ULK2: variants seen among roughly 807,000 people sequenced by gnomAD.
ULK2 encodes serine/threonine-protein kinase ULK2.
In ULK2, 76 loss-of-function variants were observed where a neutral mutation model predicts 127.5. That is an observed-to-expected ratio of 0.60 (90% CI 0.50 to 0.72). The LOEUF (loss-of-function observed/expected upper bound fraction) is 0.72, where lower values mean the gene tolerates loss of function less well. Ranked by LOEUF, ULK2 falls within the 30% of genes least tolerant of loss-of-function variation. ULK2 has a pLI of 0.00. For synonymous variants in ULK2, 452 were observed against 461.9 expected (o/e 0.98, Z 0.28); for missense variants, 1,144 against 1,295.9 (o/e 0.88, Z 1.80).
intron 7 of ULK2, among the ~76,000 whole-genome samples, chr17:19,843,645 T>A (rs1233131422): frequency 6.7e-6 from 1 of 149,290 alleles, no homozygotes; most frequent in African/African-American, 2.5e-5. Flanking sequence ...TTGGGCTGTC[T>A]CCAAAATATT....
chr17:19,829,793 C>T (rs1240033756), intron 10 of ULK2, among the ~76,000 whole-genome samples: 2 of 145,092 alleles, frequency 1.4e-5, no homozygotes, highest in East Asian at 2.0e-4. Flanking sequence ...AAACCGAGAT[C>T]GCGCCACTGC....
chr17:19,813,127 G>A (rs1211702083), intron 13 of ULK2, among the ~76,000 whole-genome samples: 1 of 152,110 alleles, frequency 6.6e-6, no homozygotes, highest in Admixed American at 6.5e-5. Flanking sequence ...ATACTCTTCA[G>A]GCAAAAGATT....
chr17:19,802,102 T>C (rs1819714389), intron 15 of ULK2, among the ~76,000 whole-genome samples, 180 bp from the exon 16 acceptor site: 1 of 152,244 alleles, frequency 6.6e-6, no homozygotes, highest in Non-Finnish European at 1.5e-5. Context: ...TTCTATTCTA[T>C]CTGCCTAATT....
chr17:19,867,860 A>G lies in ULK2; in HGVS notation c.-443T>C, dbSNP rs1182825621. 1.3e-5 allele frequency: 2 copies of G among 150,596 alleles called. No individual in the cohort carries two copies. Among genetic ancestry groups the G allele is most frequent in the Non-Finnish European group, 3.0e-5 (2 of 67,542 alleles). 9.3% of individuals were successfully genotyped at this position (150,596 alleles called of 1,614,324 possible). A position where few individuals can be genotyped will look rare whatever the true frequency, so the allele number is the denominator to read the frequency against. On this transcript the variant is annotated 5_prime_UTR_variant, in exon 1 of 27. Coordinates refer to ENST00000395544, the MANE Select transcript of ULK2 (RefSeq NM_014683.4). ...CGACGGCCGCCGCCCTAGAACCCGC[A>G]CCGCCGCGGCCCCGCGCTTCCCCGC...
intron 12 of ULK2, among the ~76,000 whole-genome samples, chr17:19,819,275 T>C (rs980761176): frequency 1.3e-5 from 2 of 152,228 alleles, no homozygotes; most frequent in African/African-American, 2.4e-5. Flanking sequence ...CTTGAACTTT[T>C]TGCTCCATCT....
In ULK2 at chr17:19,780,597, A is replaced by G; in HGVS notation, c.2791T>C (p.Cys931Arg). 6.2e-7 allele frequency: 1 copy of G among 1,612,490 alleles called. No homozygotes were observed. The highest frequency in any genetic ancestry group is 8.5e-7 in the Non-Finnish European group (1 of 1,179,496). ...GTAAGTTTCTTGCACATGGTGATGC[A>G]GAATTTATATCGTTCGTTCAGATTC... ...VKNLNERYKF[C>R]ITMCKKLTEK... Residue 931 changes from cysteine (C) to arginine (R), a missense_variant, in exon 25 of 27, where the codon TGC (cysteine) becomes CGC (arginine). By Grantham distance (180) the Cys-to-Arg change is radical. Transcript: ENST00000395544.
rs754152715 is a variant in ULK2 at position 19,801,915 on chromosome 17, C to A, written c.1303G>T (p.Val435Leu). ...GGGCTGGTGTTGGACCTTCGTACCA[C>A]TGCAGATCTGAAAAGTAAATTATTC... The part of the protein sequence containing the change: ...TNVHGSPRSA[V>L]VRRSNTSPMG... Residue 435 changes from valine (V) to leucine (L), a missense_variant, in exon 16 of 27, where the codon GTG becomes TTG. Physicochemically the swap from Val to Leu is conservative, Grantham distance 32 (BLOSUM62 1). This residue lies in a region of ULK2 where 913 missense variants were observed against 970.5 expected (regional missense o/e 0.94). Coordinates refer to ENST00000395544, the MANE Select transcript of ULK2 (RefSeq NM_014683.4). 1.3e-6 allele frequency: 2 copies of A among 1,595,862 alleles called. No individual in the cohort carries two copies. Among genetic ancestry groups the A allele is most frequent in the Non-Finnish European group, 1.7e-6 (2 of 1,175,538 alleles).
At chr17:19,859,528 T>C (rs898772662) in intron 3 of ULK2, among the ~76,000 whole-genome samples, 4 of 152,162 alleles carry the variant, frequency 2.6e-5, no homozygotes, top group African/African-American at 4.8e-5. Context: ...TTTTAAAAGA[T>C]AGCTAATATC....
At chr17:19,797,289 T>C in intron 18 of ULK2, 107 bp downstream of exon 18, 1 of 1,272,550 alleles carries the variant, frequency 7.9e-7, no homozygotes, top group Non-Finnish European at 1.0e-6. Context: ...AAAGCAAGAC[T>C]CTGTCTCAAA....
intron 8 of ULK2, 118 bp from the exon 9 acceptor site, chr17:19,841,665 G>A: frequency 1.4e-6 from 1 of 692,572 alleles, no homozygotes; most frequent in Non-Finnish European, 2.3e-6. Context: ...TTTCAAGGAA[G>A]GGACTGCTGA....
chr17:19,849,311 AG>A, intron 5 of ULK2, 57 bp downstream of exon 5: 4 of 1,476,718 alleles, frequency 2.7e-6, no homozygotes, highest in Non-Finnish European at 2.8e-6. Context: ...AGTACCTCTT[AG>A]GATTAAACAG....
At chr17:19,785,138 C>T (rs2087000972) in intron 21 of ULK2, among the ~76,000 whole-genome samples, 1 of 151,972 alleles carries the variant, frequency 6.6e-6, no homozygotes, top group Admixed American at 6.6e-5. Context: ...AATCTATTAG[C>T]CTTCTAACTG....
Position 19,816,802 on chromosome 17 carries a change from CAAG to C in ULK2, c.1040_1042del (p.Ser347del). On this transcript the variant is annotated inframe_deletion, in exon 13 of 27. Transcript: ENST00000395544. ...CACCAAAACAAAGTCATCCGTGTCA[CAAG>C]AAGAGTTCTTGCTACTAGTACTGGC... is the stretch of plus-strand genomic sequence containing the variant. The C allele has an allele frequency of 1.9e-6, 3 of 1,610,528 alleles. No individual in the cohort carries two copies. Among genetic ancestry groups the C allele is most frequent in the Non-Finnish European group, 2.5e-6 (3 of 1,178,958 alleles).
intron 3 of ULK2, among the ~76,000 whole-genome samples, chr17:19,857,802 C>G (rs915246209): frequency 6.6e-6 from 1 of 152,170 alleles, no homozygotes; most frequent in Non-Finnish European, 1.5e-5. Context: ...TCCTGCTAAC[C>G]TCTCCAGTAT....
chr17:19,829,566 G>A (rs1416694825), intron 10 of ULK2, among the ~76,000 whole-genome samples: 12 of 145,530 alleles, frequency 8.2e-5, no homozygotes, highest in African/African-American at 2.3e-4. Flanking sequence ...GGCTGGGCAC[G>A]GTAGCTCACG....
intron 20 of ULK2, among the ~76,000 whole-genome samples, chr17:19,795,119 A>T (rs1026856380): frequency 1.3e-5 from 2 of 151,944 alleles, no homozygotes; most frequent in African/African-American, 4.8e-5. Context: ...GCAAGTCTGG[A>T]ATACGGAATT....
At chr17:19,840,058 T>C (rs1026060175) in intron 9 of ULK2, 3 of 320,972 alleles carry the variant, frequency 9.3e-6, no homozygotes, top group African/African-American at 4.4e-5. Context: ...ATAATGTACA[T>C]CTATGGGACT....
rs1464288331 is a variant in ULK2 at position 19,798,783 on chromosome 17, T to C, written c.1522+712A>G. Among the ~76,000 whole-genome samples the C allele has an allele frequency of 3.9e-5, 6 of 152,330 alleles. No individual in the cohort carries two copies. In the East Asian group the frequency reaches 5.8e-4, roughly 15 times the overall value. Reference sequence around the variant, plus strand: ...GTGTCTTTAACTTATAAAGACATGATTCACACATATCTTTTCAGGCAAATA... The same window carrying C: ...GTGTCTTTAACTTATAAAGACATGACTCACACATATCTTTTCAGGCAAATA... On this transcript the variant is annotated intron_variant, in intron 17 of 26. Transcript: ENST00000395544.
chr17:19,792,194 A>G (rs1418665645), intron 20 of ULK2, among the ~76,000 whole-genome samples: 2 of 152,192 alleles, frequency 1.3e-5, no homozygotes, highest in Non-Finnish European at 2.9e-5. Context: ...ACGAAACCTA[A>G]AATTACTAGA....
Sources: gnomAD v4.1 joint callset for allele counts (sites outside exome capture counted in the v4.1 genomes callset) on GRCh38, gnomAD v4.1.1 for gene constraint, gnomAD v4.1.1 regional missense constraint, MANE v1.5 for transcripts, NCBI Gene and HGNC (gene_info 2026-07-23, HGNC 2026-07-21) for gene names.